The following ARIH1 variants were observed in gnomAD, a reference collection of about 807,000 sequenced individuals.
ARIH1 encodes the protein E3 ubiquitin-protein ligase ARIH1.
ARIH1 carries 8 observed loss-of-function variants against 85.0 expected under a neutral mutation model. The ratio of observed to expected loss-of-function variants is 0.09; its 90% CI spans 0.06 to 0.17. The LOEUF (loss-of-function observed/expected upper bound fraction) is 0.17. ARIH1 is among the 10% of genes least tolerant of loss of function. ARIH1 has a pLI of 1.00. For synonymous variants in ARIH1, 238 were observed against 253.6 expected, an observed-to-expected ratio of 0.94 and a Z score of 0.59; for missense variants, 311 against 718.1, an observed-to-expected ratio of 0.43 and a Z score of 6.48.
chr15:72,479,317 T>C (rs2063806099), intron 1 of ARIH1, among the ~76,000 whole-genome samples: 1 of 152,194 alleles, frequency 6.6e-6, no homozygotes, highest in African/African-American at 2.4e-5. Flanking sequence ...GAGAGGAATA[T>C]GGACCTGGGA....
chr15:72,516,995 C>T (rs1310767041), intron 1 of ARIH1, among the ~76,000 whole-genome samples: 1 of 152,110 alleles, frequency 6.6e-6, no homozygotes, highest in African/African-American at 2.4e-5. Flanking sequence ...TTCTTAGGCC[C>T]CGTTGCATTT....
intron 3 of ARIH1, among the ~76,000 whole-genome samples, chr15:72,549,817 A>G (rs1160960550): frequency 6.6e-5 from 10 of 152,220 alleles, no homozygotes; most frequent in Non-Finnish European, 1.5e-4. Flanking sequence ...TTTTGTAGAT[A>G]ATATTTCATG....
intron 3 of ARIH1, among the ~76,000 whole-genome samples, chr15:72,551,055 G>A (rs1043642507): frequency 1.3e-5 from 2 of 152,040 alleles, no homozygotes; most frequent in Non-Finnish European, 2.9e-5. Context: ...CTGTCCTAAC[G>A]AGATATTTGT....
intron 2 of ARIH1, among the ~76,000 whole-genome samples, chr15:72,525,005 C>T (rs1200860911): frequency 6.6e-6 from 1 of 152,146 alleles, no homozygotes; most frequent in African/African-American, 2.4e-5. Context: ...CCGCCTTAGC[C>T]TCTCCCAAGT....
chr15:72,583,235 G>A lies in ARIH1; in HGVS notation c.1617G>A (p.Leu539=). The A allele has an allele frequency of 6.2e-7, 1 of 1,608,660 alleles. No homozygotes were observed. Among genetic ancestry groups the A allele is most frequent in the Non-Finnish European group, 8.5e-7 (1 of 1,177,170 alleles). Reference sequence around the variant, plus strand: ...ACTGTGAGAGTCGACGAAGGGTTTTGTTACAGCATGTGCATGAAGGCTATG... The same window carrying A: ...ACTGTGAGAGTCGACGAAGGGTTTTATTACAGCATGTGCATGAAGGCTATG... ...YRYCESRRRV[L]LQHVHEGYEK... is the part of the protein sequence containing the mutation. Residue 539 remains leucine (L), a synonymous_variant, in exon 14 of 14, where the codon TTG becomes TTA. Transcript: ENST00000379887.
chr15:72,484,203 G>T (rs1464529936), intron 1 of ARIH1, among the ~76,000 whole-genome samples: 2 of 148,626 alleles, frequency 1.3e-5, no homozygotes, highest in Admixed American at 6.7e-5. Context: ...GAAAAGAAAA[G>T]AAAATTGTAG....
In ARIH1 at chr15:72,599,675, T is replaced by C. The variant is rs1186075410; in HGVS notation, c.*16383T>C. 1 of 152,222 alleles carries C rather than the reference T, an allele frequency of 6.6e-6. No homozygotes were observed. Among genetic ancestry groups the C allele is most frequent in the Non-Finnish European group, 1.5e-5 (1 of 68,046 alleles). The allele number at this position is 152,222 out of a possible 1,614,324, so 9.4% of individuals were successfully genotyped here. ...TTTAAACATGAATGGAAGCATACTA[T>C]ATTTTCTACACTTTATTTGTTTTAT... On this transcript the variant is annotated 3_prime_UTR_variant, in exon 14 of 14. Coordinates refer to ENST00000379887, the MANE Select transcript of ARIH1 (RefSeq NM_005744.5).
In ARIH1 at chr15:72,511,535, C is replaced by T. The variant is rs994000948; in HGVS notation, c.376-6532C>T. Among the ~76,000 whole-genome samples, 7 of 152,052 alleles carry T rather than the reference C, an allele frequency of 4.6e-5. No homozygotes were observed. The East Asian group carries it at 1.3e-3, about 29-fold the overall frequency. On this transcript the variant is annotated intron_variant, in intron 1 of 13. Transcript: ENST00000379887. ...GGCCAGGCTGGTCTTGAACTCCTCA[C>T]CTCAGGTGATCCACACACCTTGGCC...
chr15:72,489,882 A>G (rs2063852097), intron 1 of ARIH1, among the ~76,000 whole-genome samples: 5 of 152,206 alleles, frequency 3.3e-5, no homozygotes, highest in Admixed American at 3.3e-4. Context: ...TTGCCCTCCA[A>G]AGCAACCAGT....
intron 1 of ARIH1, among the ~76,000 whole-genome samples, chr15:72,476,321 A>G (rs989175290): frequency 1.3e-5 from 2 of 152,204 alleles, no homozygotes; most frequent in African/African-American, 4.8e-5. Context: ...TTCATTTTTA[A>G]TCTAGAGAAC....
chr15:72,537,631 C>CGG (rs2064088544), intron 2 of ARIH1, among the ~76,000 whole-genome samples: 1 of 151,996 alleles, frequency 6.6e-6, no homozygotes, highest in Admixed American at 6.6e-5. Context: ...TCCTTTGCTC[C>CGG]TTTGACATTT....
chr15:72,599,934 G>A lies in ARIH1; in HGVS notation c.*16642G>A, dbSNP rs1220605187. 1 of 145,086 alleles carries A rather than the reference G, an allele frequency of 6.9e-6. No homozygotes were observed. Among genetic ancestry groups the A allele is most frequent in the East Asian group, 2.0e-4 (1 of 4,914 alleles). 9.0% of individuals were successfully genotyped at this position (145,086 alleles called of 1,614,324 possible). ...AAAATCCTCCATGAAGTCCAGTGAA[G>A]CTTCATATTATTTTGAAGTGATATT... On this transcript the variant is annotated 3_prime_UTR_variant, in exon 14 of 14. Transcript: ENST00000379887.
chr15:72,481,444 T>A (rs1022678705), intron 1 of ARIH1, among the ~76,000 whole-genome samples: 1 of 152,218 alleles, frequency 6.6e-6, no homozygotes, highest in Non-Finnish European at 1.5e-5. Context: ...TCACGGTGGC[T>A]CACACCTGTA....
intron 1 of ARIH1, among the ~76,000 whole-genome samples, chr15:72,510,347 C>G (rs895408112): frequency 3.3e-5 from 5 of 152,032 alleles, no homozygotes; most frequent in African/African-American, 1.2e-4. Flanking sequence ...TATGTACGAA[C>G]TATTTGTGTA....
chr15:72,562,610 T>G (rs188792668), intron 6 of ARIH1, among the ~76,000 whole-genome samples: 42 of 151,854 alleles, frequency 2.8e-4, no homozygotes, highest in African/African-American at 5.3e-4. Context: ...TTGTTTGTTT[T>G]TTTTTTTCCT....
At chr15:72,542,849 G>T (rs1331483546) in intron 2 of ARIH1, among the ~76,000 whole-genome samples, 1 of 151,690 alleles carries the variant, frequency 6.6e-6, no homozygotes, top group Non-Finnish European at 1.5e-5. Flanking sequence ...AAGGTGTTTA[G>T]CTGGTTTATG....
chr15:72,483,954 C>T (rs1381111975), intron 1 of ARIH1, among the ~76,000 whole-genome samples: 1 of 150,764 alleles, frequency 6.6e-6, no homozygotes, highest in African/African-American at 2.4e-5. Context: ...GGCGGATCAC[C>T]TGAAGTCAGG....
rs951036344 is a variant in ARIH1, at chr15:72,598,668, T to G, written c.*15376T>G. The G allele has an allele frequency of 1.1e-4, 17 of 150,126 alleles. No homozygotes were observed. In the Admixed American group the frequency reaches 1.1e-3, roughly 10 times the overall value. The allele number at this position is 150,126 out of a possible 1,614,324, so 9.3% of individuals were successfully genotyped here. A position where few individuals can be genotyped will look rare whatever the true frequency, so the allele number is the denominator to read the frequency against. On this transcript the variant is annotated 3_prime_UTR_variant, in exon 14 of 14. Coordinates refer to ENST00000379887, the MANE Select transcript of ARIH1 (RefSeq NM_005744.5). ...GGCGGAGGTTGCAGTGAGCCGAGAT[T>G]GTGCCACTGCACTCCAGCCTGGGTG...
intron 1 of ARIH1, among the ~76,000 whole-genome samples, chr15:72,507,989 C>T (rs1218746132): frequency 6.6e-6 from 1 of 152,182 alleles, no homozygotes; most frequent in Non-Finnish European, 1.5e-5. Context: ...CCAGTTCTGT[C>T]TGCATGTTAG....
Sources: gnomAD v4.1 joint callset for allele counts (sites outside exome capture counted in the v4.1 genomes callset) on GRCh38, gnomAD v4.1.1 for gene constraint, MANE v1.5 for transcripts, NCBI Gene and HGNC (gene_info 2026-07-23, HGNC 2026-07-21) for gene names.